The following VEPH1 variants were observed in gnomAD, a reference collection of about 807,000 sequenced individuals.
VEPH1 encodes the protein ventricular zone-expressed PH domain-containing protein homolog 1.
A neutral mutation model predicts 85.2 loss-of-function variants in VEPH1; 80 were observed. The ratio of observed to expected loss-of-function variants is 0.94; its 90% CI spans 0.78 to 1.13. The LOEUF is 1.13. Ranked by LOEUF, VEPH1 falls within the 50% of genes most tolerant of loss-of-function variation. VEPH1 has a pLI of 0.00. For missense variants in VEPH1, 955 were observed against 980.5 expected (o/e 0.97, Z 0.35); for synonymous variants, 297 against 348.0 (o/e 0.85, Z 1.63).
chr3:157,446,218 G>GAA (rs1388666184), intron 4 of VEPH1, among the ~76,000 whole-genome samples: 120 of 151,970 alleles, frequency 7.9e-4, no homozygotes, highest in African/African-American at 2.8e-3. Flanking sequence ...ATTTGTGTGT[G>GAA]TAGAGTGAAC....
At chr3:157,443,258 G>A (rs932704507) in intron 4 of VEPH1, 16 of 334,572 alleles carry the variant, frequency 4.8e-5, no homozygotes, top group African/African-American at 3.1e-4. Flanking sequence ...TAATTAAAAA[G>A]GACTGTATTG....
At chr3:157,375,453 C>T (rs576710751) in intron 7 of VEPH1, among the ~76,000 whole-genome samples, 115 of 152,248 alleles carry the variant, frequency 7.6e-4, no homozygotes, top group African/African-American at 2.6e-3. Flanking sequence ...CAAAGGGCCT[C>T]GTAGTTGAAA....
intron 1 of VEPH1, among the ~76,000 whole-genome samples, chr3:157,495,960 T>G (rs1304103405): frequency 6.6e-6 from 1 of 152,192 alleles, no homozygotes; most frequent in Non-Finnish European, 1.5e-5. Flanking sequence ...CAGAAACCAG[T>G]GCTTACCTCT....
chr3:157,303,635 G>A (rs1719086183), intron 11 of VEPH1, among the ~76,000 whole-genome samples: 1 of 152,138 alleles, frequency 6.6e-6, no homozygotes, highest in South Asian at 2.1e-4. Context: ...ATTTGCCTCT[G>A]CATCCACATT....
chr3:157,478,031 A>T (rs992308802), intron 2 of VEPH1, among the ~76,000 whole-genome samples: 5 of 152,148 alleles, frequency 3.3e-5, no homozygotes, highest in Admixed American at 2.0e-4. Flanking sequence ...ACATTGCCCA[A>T]ATCCCCTCTC....
chr3:157,500,891 C>T (rs935101191), intron 1 of VEPH1, among the ~76,000 whole-genome samples: 2 of 152,104 alleles, frequency 1.3e-5, no homozygotes, highest in Non-Finnish European at 2.9e-5. Flanking sequence ...TAATTAGACT[C>T]CCTGAGCCTG....
chr3:157,446,958 C>T (rs1336346390), intron 4 of VEPH1, among the ~76,000 whole-genome samples: 3 of 152,186 alleles, frequency 2.0e-5, no homozygotes, highest in African/African-American at 7.2e-5. Flanking sequence ...GATAACAAGA[C>T]TTGCCTACCT....
At chr3:157,433,929 C>T (rs1408806668) in intron 4 of VEPH1, among the ~76,000 whole-genome samples, 1 of 151,542 alleles carries the variant, frequency 6.6e-6, no homozygotes, top group African/African-American at 2.4e-5. Flanking sequence ...GCTTTTTTTT[C>T]GCATTTGAAT....
At chr3:157,283,623 A>C (rs1716413350) in intron 12 of VEPH1, among the ~76,000 whole-genome samples, 1 of 152,210 alleles carries the variant, frequency 6.6e-6, no homozygotes, top group Non-Finnish European at 1.5e-5. Flanking sequence ...CCATGTCAGT[A>C]AGCTGAGATA....
At chr3:157,389,628 C>CAGATAGAT (rs3086054) in intron 6 of VEPH1, among the ~76,000 whole-genome samples, 107 of 144,156 alleles carry the variant, frequency 7.4e-4, no homozygotes, top group East Asian at 2.1e-3. Flanking sequence ...GATAGGTAAG[C>CAGATAGAT]AGATAGATAG....
intron 2 of VEPH1, among the ~76,000 whole-genome samples, chr3:157,482,012 T>G (rs895232396): frequency 1.3e-5 from 2 of 152,172 alleles, no homozygotes; most frequent in Non-Finnish European, 2.9e-5. Context: ...GGTTCTCTAT[T>G]CTGTTCCATT....
intron 6 of VEPH1, among the ~76,000 whole-genome samples, chr3:157,385,389 T>A (rs1052486979): frequency 6.6e-6 from 1 of 152,134 alleles, no homozygotes; most frequent in African/African-American, 2.4e-5. Context: ...AATTCTCAAA[T>A]CTTTTGGTTT....
intron 12 of VEPH1, among the ~76,000 whole-genome samples, chr3:157,284,162 C>T (rs1716482967): frequency 6.6e-6 from 1 of 152,174 alleles, no homozygotes; most frequent in Admixed American, 6.5e-5. Context: ...TGAAACATCA[C>T]ATTTTAACAT....
chr3:157,303,090 T>C (rs554607271), intron 11 of VEPH1, among the ~76,000 whole-genome samples: 1 of 152,354 alleles, frequency 6.6e-6, no homozygotes, highest in Middle Eastern at 3.4e-3. Context: ...TTTGATGAGA[T>C]GTGTGACTTA....
intron 11 of VEPH1, among the ~76,000 whole-genome samples, chr3:157,298,277 C>T (rs932638561): frequency 6.6e-6 from 1 of 152,188 alleles, no homozygotes; most frequent in Non-Finnish European, 1.5e-5. Flanking sequence ...AGGTTAATGA[C>T]TTGCCCAGTT....
At chr3:157,465,238 C>T (rs1016031227) in intron 3 of VEPH1, among the ~76,000 whole-genome samples, 6 of 152,146 alleles carry the variant, frequency 3.9e-5, no homozygotes, top group East Asian at 3.8e-4. Flanking sequence ...CACTATTCTA[C>T]GTGCTGGGAT....
chr3:157,459,518 A>G, intron 4 of VEPH1: 1 of 804,654 alleles, frequency 1.2e-6, no homozygotes, highest in Non-Finnish European at 1.5e-6. Context: ...GGACATTTGG[A>G]TGCACATCAA....
chr3:157,429,755 GCAATACC>G (rs926999940), intron 4 of VEPH1, among the ~76,000 whole-genome samples: 67 of 152,220 alleles, frequency 4.4e-4, no homozygotes, highest in African/African-American at 1.5e-3. Context: ...ATTTTTTAAT[GCAATACC>G]CAATTTGTAA....
chr3:157,339,597 T>C (rs1723309567), intron 9 of VEPH1, among the ~76,000 whole-genome samples: 3 of 152,162 alleles, frequency 2.0e-5, no homozygotes, highest in Non-Finnish European at 2.9e-5. Context: ...CTTTGTACTC[T>C]CCCGTGTCTC....
Sources: gnomAD v4.1 joint callset for allele counts (sites outside exome capture counted in the v4.1 genomes callset) on GRCh38, gnomAD v4.1.1 for gene constraint, MANE v1.5 for transcripts, NCBI Gene and HGNC (gene_info 2026-07-23, HGNC 2026-07-21) for gene names.